ASAP1: variants seen among roughly 807,000 people sequenced by gnomAD.
The protein encoded by ASAP1 is arf-GAP with SH3 domain, ANK repeat and PH domain-containing protein 1.
In ASAP1, 43 loss-of-function variants were observed where a neutral mutation model predicts 145.2. The ratio of observed to expected loss-of-function variants is 0.30; its 90% CI spans 0.23 to 0.38. The LOEUF is 0.38. Ranked by LOEUF, ASAP1 falls within the 10% of genes least tolerant of loss-of-function variation. The pLI is 1.00. For synonymous variants in ASAP1, 546 were observed against 515.5 expected, an observed-to-expected ratio of 1.06 and a Z score of -0.80; for missense variants, 1,018 against 1,355.3, an observed-to-expected ratio of 0.75 and a Z score of 3.91.
chr8:130,182,528 C>G (rs1050688784), intron 7 of ASAP1, among the ~76,000 whole-genome samples: 1 of 152,122 alleles, frequency 6.6e-6, no homozygotes, highest in African/African-American at 2.4e-5. Flanking sequence ...AATAAAAGAG[C>G]TGCCTTCACA....
At chr8:130,394,080 G>A (rs565434938) in intron 2 of ASAP1, among the ~76,000 whole-genome samples, 2 of 152,306 alleles carry the variant, frequency 1.3e-5, no homozygotes, top group East Asian at 3.9e-4. Flanking sequence ...TGTAGAGCAT[G>A]TGTGTTTGAA....
Position 130,160,797 on chromosome 8 carries a change from C to T in ASAP1, c.910-833G>A, listed in dbSNP as rs763887848. On this transcript the variant is annotated intron_variant, in intron 11 of 29. Coordinates refer to ENST00000518721, the MANE Select transcript of ASAP1 (RefSeq NM_018482.4). ...AGTATTGACTTACTCTCCTAGACTT[C>T]GATCAGGAAGGGCAAAAGAAACAGA... 10 of 1,283,714 alleles carry T rather than the reference C, an allele frequency of 7.8e-6. No individual in the cohort carries two copies. In the Admixed American group the frequency reaches 9.3e-5, roughly 12 times the overall value. The allele number at this position is 1,283,714 out of a possible 1,614,324, so 79.5% of individuals were successfully genotyped here. A position where few individuals can be genotyped will look rare whatever the true frequency, so the allele number is the denominator to read the frequency against.
chr8:130,439,566 T>C (rs1333097636), intron 1 of ASAP1, among the ~76,000 whole-genome samples: 1 of 151,632 alleles, frequency 6.6e-6, no homozygotes, highest in Non-Finnish European at 1.5e-5. Context: ...AGTGTTTCAT[T>C]CACATAAGAT....
chr8:130,391,184 C>A (rs116018422), intron 2 of ASAP1, among the ~76,000 whole-genome samples: 9,498 of 152,058 alleles, frequency 0.062, 296 homozygotes, highest in Middle Eastern at 0.12. Flanking sequence ...AACAAAAAGA[C>A]AAATATTGTA....
chr8:130,058,997 A>G (rs1384380342), intron 28 of ASAP1, among the ~76,000 whole-genome samples: 1 of 152,224 alleles, frequency 6.6e-6, no homozygotes, highest in Non-Finnish European at 1.5e-5. Flanking sequence ...TATAGTGTGT[A>G]GCATGAAATG....
At chr8:130,109,615 A>T (rs1314312113) in intron 24 of ASAP1, among the ~76,000 whole-genome samples, 1 of 152,138 alleles carries the variant, frequency 6.6e-6, no homozygotes, top group Non-Finnish European at 1.5e-5. Context: ...CCTTGTTTTC[A>T]TGCAAATGGT....
At chr8:130,217,158 T>C (rs926659574) in intron 4 of ASAP1, among the ~76,000 whole-genome samples, 5 of 152,176 alleles carry the variant, frequency 3.3e-5, no homozygotes, top group African/African-American at 9.7e-5. Context: ...CTTGGAAGCA[T>C]TTCAGATGCC....
chr8:130,172,191 G>A (rs1449936951), intron 9 of ASAP1, among the ~76,000 whole-genome samples: 6 of 152,132 alleles, frequency 3.9e-5, no homozygotes, highest in South Asian at 2.1e-4. Flanking sequence ...TCTCTTCCCC[G>A]GAGCTGCATA....
At chr8:130,418,463 A>G (rs1260062217) in intron 1 of ASAP1, among the ~76,000 whole-genome samples, 1 of 152,070 alleles carries the variant, frequency 6.6e-6, no homozygotes, top group Non-Finnish European at 1.5e-5. Flanking sequence ...CAGGAGGATC[A>G]CTTGAACTCA....
chr8:130,273,914 A>C (rs1820728247), intron 3 of ASAP1, among the ~76,000 whole-genome samples: 2 of 152,240 alleles, frequency 1.3e-5, no homozygotes, highest in Non-Finnish European at 2.9e-5. Flanking sequence ...CTTGTTCAAA[A>C]TCCCATTAGT....
intron 18 of ASAP1, among the ~76,000 whole-genome samples, chr8:130,123,698 C>T (rs1322348824): frequency 2.6e-5 from 4 of 152,114 alleles, no homozygotes; most frequent in Non-Finnish European, 5.9e-5. Flanking sequence ...GCGATCTCGG[C>T]TCACTGCAAG....
intron 2 of ASAP1, among the ~76,000 whole-genome samples, chr8:130,390,300 A>G (rs1356057344): frequency 6.6e-6 from 1 of 152,248 alleles, no homozygotes; most frequent in East Asian, 1.9e-4. Context: ...CAAAAGCCAC[A>G]TGTGGCAGAC....
intron 3 of ASAP1, among the ~76,000 whole-genome samples, chr8:130,329,544 C>T (rs1824550006): frequency 6.6e-6 from 1 of 152,122 alleles, no homozygotes; most frequent in Non-Finnish European, 1.5e-5. Flanking sequence ...GGGTGGGTGG[C>T]TATACAACTC....
intron 24 of ASAP1, among the ~76,000 whole-genome samples, chr8:130,109,330 T>C (rs539946435): frequency 6.6e-6 from 1 of 152,306 alleles, no homozygotes; most frequent in African/African-American, 2.4e-5. Context: ...AAGGGGGCTT[T>C]GCTTGACGGT....
At chr8:130,343,247 G>C (rs1381268115) in intron 3 of ASAP1, among the ~76,000 whole-genome samples, 1 of 152,138 alleles carries the variant, frequency 6.6e-6, no homozygotes, top group East Asian at 1.9e-4. Flanking sequence ...AGGCTGTATG[G>C]GGCAGATAGA....
At chr8:130,215,211 C>A (rs979793640) in intron 4 of ASAP1, among the ~76,000 whole-genome samples, 1 of 152,030 alleles carries the variant, frequency 6.6e-6, no homozygotes, top group Admixed American at 6.6e-5. Context: ...TTCCCTTTTT[C>A]TTTCATAGAA....
intron 26 of ASAP1, among the ~76,000 whole-genome samples, chr8:130,076,865 T>A (rs1227621193): frequency 6.6e-6 from 1 of 152,160 alleles, no homozygotes; most frequent in Non-Finnish European, 1.5e-5. Context: ...CATATTTCAG[T>A]TTGCCTGGCT....
chr8:130,132,807 C>T (rs1003270503), intron 15 of ASAP1, among the ~76,000 whole-genome samples: 6 of 151,390 alleles, frequency 4.0e-5, no homozygotes, highest in African/African-American at 1.4e-4. Context: ...TTTCCTTTGT[C>T]TTTCTACCTT....
intron 3 of ASAP1, among the ~76,000 whole-genome samples, chr8:130,296,415 CT>C (rs996246743): frequency 2.0e-5 from 3 of 152,142 alleles, no homozygotes; most frequent in Non-Finnish European, 4.4e-5. Context: ...AGCAAGCACC[CT>C]GATGTCATGC....
Sources: allele counts gnomAD v4.1 joint callset (sites outside exome capture counted in the v4.1 genomes callset), GRCh38; gene constraint gnomAD v4.1.1; transcripts MANE v1.5; gene names NCBI Gene and HGNC (gene_info 2026-07-23, HGNC 2026-07-21).